The following NBR1 variants were observed in gnomAD, a reference collection of about 807,000 sequenced individuals.
NBR1 encodes next to BRCA1 gene 1 protein.
A neutral mutation model predicts 115.5 loss-of-function variants in NBR1; 59 were observed. The observed-to-expected ratio is 0.51, with a 90% confidence interval of 0.41 to 0.63. The LOEUF is 0.63. NBR1 is among the 30% of genes least tolerant of loss of function. The pLI, the probability that NBR1 is intolerant of heterozygous loss-of-function variation, is 0.00. For missense variants in NBR1, 1,043 were observed against 1,150.5 expected (o/e 0.91, Z 1.35); for synonymous variants, 373 against 414.7 (o/e 0.90, Z 1.22).
intron 6 of NBR1, among the ~76,000 whole-genome samples, chr17:43,188,721 T>G (rs2056876404): frequency 6.6e-6 from 1 of 152,238 alleles, no homozygotes; most frequent in Non-Finnish European, 1.5e-5. Context: ...TAGGGAATCC[T>G]TTCCCCATTG....
At chr17:43,178,924 T>A (rs2056595881) in intron 3 of NBR1, among the ~76,000 whole-genome samples, 2 of 152,082 alleles carry the variant, frequency 1.3e-5, no homozygotes, top group Non-Finnish European at 2.9e-5. Flanking sequence ...TCTGGCAAAA[T>A]TTTTTAATTC....
intron 2 of NBR1, chr17:43,176,361 T>G (rs1295596934): frequency 1.3e-5 from 2 of 153,088 alleles, no homozygotes; most frequent in African/African-American, 4.8e-5. Flanking sequence ...GGAAAAACTT[T>G]CATACCTGCT....
intron 3 of NBR1, 50 bp from the exon 4 acceptor site, chr17:43,179,344 T>C (rs1434012918): frequency 7.0e-6 from 11 of 1,579,108 alleles, no homozygotes; most frequent in Non-Finnish European, 7.8e-6. Flanking sequence ...ACAGAAATGC[T>C]CAACTGATGA....
chr17:43,194,408 A>C lies in NBR1; in HGVS notation c.1583A>C (p.Glu528Ala), dbSNP rs772318517. 3.1e-6 allele frequency: 5 copies of C among 1,614,006 alleles called. No individual in the cohort carries two copies. The African/African-American group carries it at 6.7e-5, about 22-fold the overall frequency. Residue 528 changes from glutamate to alanine, a missense_variant, in exon 13 of 21, where the codon GAA becomes GCA. Coordinates refer to ENST00000590996, the MANE Select transcript of NBR1 (RefSeq NM_005899.5). ...RQLGEVTEQT[E>A]GTAACIPQKA... ...CTTGGTGAAGTGACTGAGCAGACAGAAGGGACAGCAGCCTGCATCCCACAG... is the reference window on the plus strand; with the variant it reads ...CTTGGTGAAGTGACTGAGCAGACAGCAGGGACAGCAGCCTGCATCCCACAG...
At chr17:43,185,385 A>T (rs1291219397) in intron 5 of NBR1, among the ~76,000 whole-genome samples, 1 of 152,138 alleles carries the variant, frequency 6.6e-6, no homozygotes, top group African/African-American at 2.4e-5. Flanking sequence ...GGGCAACATC[A>T]TGAAATTTCA....
intron 8 of NBR1, 128 bp downstream of exon 8, chr17:43,189,930 T>C: frequency 1.3e-6 from 1 of 773,482 alleles, no homozygotes; most frequent in South Asian, 1.6e-5. Flanking sequence ...TAGCTGTGAG[T>C]TGGAAGCACA....
At chr17:43,198,650 TAAAAAA>T (rs568527478) in intron 16 of NBR1, among the ~76,000 whole-genome samples, 1 of 141,158 alleles carries the variant, frequency 7.1e-6, no homozygotes, top group Non-Finnish European at 1.5e-5. Flanking sequence ...AGACTCCGTC[TAAAAAA>T]AAAAAATAAT....
chr17:43,178,629 G>A (rs947345376), intron 3 of NBR1, among the ~76,000 whole-genome samples: 2 of 150,656 alleles, frequency 1.3e-5, no homozygotes, highest in African/African-American at 4.9e-5. Flanking sequence ...AGCCCACCTC[G>A]GACTCCCAAA....
At chr17:43,205,933 A>T (rs551426194) in intron 20 of NBR1, among the ~76,000 whole-genome samples, 5 of 150,914 alleles carry the variant, frequency 3.3e-5, no homozygotes, top group Admixed American at 6.6e-5. Context: ...TAATCTCAAC[A>T]CTTTGGGAGG....
At chr17:43,182,396 G>A (rs8076993) in intron 5 of NBR1, among the ~76,000 whole-genome samples, 1 of 150,570 alleles carries the variant, frequency 6.6e-6, no homozygotes, top group Non-Finnish European at 1.5e-5. Context: ...TTATTTTGTA[G>A]TTTTTAGTAG....
chr17:43,209,662 C>A, intron 20 of NBR1: 1 of 1,535,502 alleles, frequency 6.5e-7, no homozygotes, highest in Non-Finnish European at 8.7e-7. Flanking sequence ...CATTAGCTCC[C>A]CGGTTTCCCT....
upstream of NBR1, chr17:43,170,640 G>A (rs1473261550): frequency 6.6e-6 from 1 of 152,602 alleles, no homozygotes; most frequent in African/African-American, 2.4e-5. Context: ...GGGAGGTGGA[G>A]GGAAAGAACT....
chr17:43,187,208 T>C (rs540228592), intron 6 of NBR1, among the ~76,000 whole-genome samples: 1 of 152,244 alleles, frequency 6.6e-6, no homozygotes, highest in South Asian at 2.1e-4. Context: ...AAACGGAGTC[T>C]CACTCTGTTG....
At chr17:43,177,419 T>C (rs2056545211) in intron 2 of NBR1, among the ~76,000 whole-genome samples, 1 of 151,568 alleles carries the variant, frequency 6.6e-6, no homozygotes, top group African/African-American at 2.4e-5. Flanking sequence ...TCACAAAGCA[T>C]TTTATTTGAA....
At chr17:43,195,105 C>A (rs2057037105) in intron 14 of NBR1, 66 bp downstream of exon 14, 2 of 1,238,098 alleles carry the variant, frequency 1.6e-6, no homozygotes, top group African/African-American at 3.0e-5. Flanking sequence ...ACAGCCTAGA[C>A]ACTGGTAGTG....
chr17:43,175,966 T>C, intron 2 of NBR1, 65 bp downstream of exon 2: 1 of 925,164 alleles, frequency 1.1e-6, no homozygotes, highest in Non-Finnish European at 1.7e-6. Flanking sequence ...AAGGTAGCTA[T>C]TTTTAGCAGT....
chr17:43,185,087 CA>C (rs1567850917), intron 5 of NBR1, among the ~76,000 whole-genome samples: 1 of 116,518 alleles, frequency 8.6e-6, no homozygotes, highest in African/African-American at 3.1e-5. Flanking sequence ...GACTCCACCT[CA>C]AAAAAAAGAA....
chr17:43,181,398 G>A (rs1015043881), intron 5 of NBR1, among the ~76,000 whole-genome samples: 35 of 152,188 alleles, frequency 2.3e-4, no homozygotes, highest in Non-Finnish European at 4.4e-4. Flanking sequence ...CTGGCCAGGC[G>A]TGGTGGCTCA....
intron 10 of NBR1, 66 bp downstream of exon 10, chr17:43,191,647 C>A: frequency 1.9e-6 from 2 of 1,034,592 alleles, no homozygotes; most frequent in Non-Finnish European, 2.8e-6. Flanking sequence ...GAACTTCAAC[C>A]AATTTCCGTC....
Sources: gnomAD v4.1 joint callset for allele counts (sites outside exome capture counted in the v4.1 genomes callset) on GRCh38, gnomAD v4.1.1 for gene constraint, MANE v1.5 for transcripts, NCBI Gene and HGNC (gene_info 2026-07-23, HGNC 2026-07-21) for gene names.